The following LDLRAD2 variants were observed in gnomAD, a reference collection of about 807,000 sequenced individuals.
LDLRAD2 encodes the protein low-density lipoprotein receptor class A domain-containing protein 2.
A neutral mutation model predicts 24.9 loss-of-function variants in LDLRAD2; 25 were observed. The ratio of observed to expected loss-of-function variants is 1.00; its 90% CI spans 0.73 to 1.40. LDLRAD2 has a LOEUF of 1.40. Ranked by LOEUF, LDLRAD2 falls within the 40% of genes most tolerant of loss-of-function variation. The pLI is 0.00. For missense variants in LDLRAD2, 391 were observed against 366.2 expected (o/e 1.07, Z -0.55); for synonymous variants, 182 against 166.7 (o/e 1.09, Z -0.71).
In LDLRAD2 at chr1:21,825,176, T is replaced by C. The variant is rs1488522347; in HGVS notation, c.*2961T>C. Reference sequence around the variant, plus strand: ...TACTGAGATCACCAGATCTTGTTATTTGATGTGTTAATAAAGAAGCACATA... The same window carrying C: ...TACTGAGATCACCAGATCTTGTTATCTGATGTGTTAATAAAGAAGCACATA... On this transcript the variant is annotated 3_prime_UTR_variant, in exon 5 of 5. Coordinates refer to ENST00000344642, the MANE Select transcript of LDLRAD2 (RefSeq NM_001013693.3). 1 of 291,972 alleles carries C rather than the reference T, an allele frequency of 3.4e-6. No individual in the cohort carries two copies. The highest frequency in any genetic ancestry group is 8.2e-5 in the East Asian group (1 of 12,200). 18.1% of individuals were successfully genotyped at this position (291,972 alleles called of 1,614,324 possible). A position where few individuals can be genotyped will look rare whatever the true frequency, so the allele number is the denominator to read the frequency against.
intron 1 of LDLRAD2, among the ~76,000 whole-genome samples, chr1:21,813,666 A>C (rs1259738198): frequency 2.0e-5 from 3 of 152,188 alleles, no homozygotes; most frequent in Non-Finnish European, 4.4e-5. Flanking sequence ...AAATGGTAGG[A>C]TATTTGCTAT....
intron 2 of LDLRAD2, 91 bp from the exon 3 acceptor site, chr1:21,815,852 A>C: frequency 6.7e-7 from 1 of 1,491,216 alleles, no homozygotes; most frequent in Non-Finnish European, 9.1e-7. Context: ...TCCTGCCCAC[A>C]CCCCCACACT....
In LDLRAD2 at chr1:21,815,996, C is replaced by T. The variant is rs777517377; in HGVS notation, c.565C>T (p.Leu189Phe). The stretch of plus-strand genomic sequence containing the variant: ...GAATGGCAGGTGCATCCCCTCAAGC[C>T]TCGTGTGTGACCCCTGGGGCATGGA... ...CQNGRCIPSS[L>F]VCDPWGMDNC... Residue 189 changes from leucine (L) to phenylalanine (F), a missense_variant, in exon 3 of 5, where the codon CTC becomes TTC. Leu to Phe is a conservative substitution (Grantham distance 22). Transcript: ENST00000344642. The T allele has an allele frequency of 8.4e-5, 136 of 1,613,848 alleles. No homozygotes were observed. The highest frequency in any genetic ancestry group is 6.5e-4 in the South Asian group (59 of 91,084).
In LDLRAD2 at chr1:21,822,332, C is replaced by A. The variant is rs575102067; in HGVS notation, c.*117C>A. ...GGACACAGAGGCCAGGCGTCCCAAC[C>A]CCACAGTCTGGGGGCCACTGGCAGG... On this transcript the variant is annotated 3_prime_UTR_variant, in exon 5 of 5. Coordinates refer to ENST00000344642, the MANE Select transcript of LDLRAD2 (RefSeq NM_001013693.3). 3.8e-6 allele frequency: 4 copies of A among 1,041,500 alleles called. No individual in the cohort carries two copies. The East Asian group carries it at 9.9e-5, about 26-fold the overall frequency. The allele number at this position is 1,041,500 out of a possible 1,614,324, so 64.5% of individuals were successfully genotyped here. A position where few individuals can be genotyped will look rare whatever the true frequency, so the allele number is the denominator to read the frequency against.
chr1:21,821,638 C>A (rs774727345), intron 4 of LDLRAD2, 27 bp downstream of exon 4: 3 of 1,609,248 alleles, frequency 1.9e-6, no homozygotes, highest in Non-Finnish European at 8.5e-7. Flanking sequence ...ACTCTTCCCA[C>A]CAAAATCATA....
Position 21,814,804 on chromosome 1 carries a change from A to C in LDLRAD2, c.492A>C (p.Glu164Asp). The change falls in exon 2 of 5, where the codon GAA becomes GAC. Residue 164 changes from glutamate (E) to aspartate (D), a missense_variant. By Grantham distance (45) the Glu-to-Asp change is conservative (BLOSUM62 2). Transcript: ENST00000344642. ...GRQPRVDFVG[E>D]VTSFRLGPCG... is the part of the protein sequence containing the mutation. ...AGCCCCGCGTGGACTTCGTGGGCGA[A>C]GTCACCTCTTTCCGTCTGGGTGAGC... is the stretch of plus-strand genomic sequence containing the variant. 1.4e-6 allele frequency: 2 copies of C among 1,478,022 alleles called. No homozygotes were observed. The highest frequency in any genetic ancestry group is 4.8e-5 in the East Asian group (2 of 41,382). The allele number at this position is 1,478,022 out of a possible 1,614,324, so 91.6% of individuals were successfully genotyped here.
chr1:21,820,940 G>A (rs542059706), intron 3 of LDLRAD2, among the ~76,000 whole-genome samples: 1 of 152,340 alleles, frequency 6.6e-6, no homozygotes, highest in Admixed American at 6.5e-5. Flanking sequence ...GCTCACGCCT[G>A]GAATCCCAGC....
chr1:21,812,924 C>G (rs2097940018), intron 1 of LDLRAD2, among the ~76,000 whole-genome samples: 1 of 152,224 alleles, frequency 6.6e-6, no homozygotes, highest in African/African-American at 2.4e-5. Context: ...GGCCCTTGCC[C>G]CTTAAGGGAC....
chr1:21,814,308 T>C, intron 1 of LDLRAD2, 90 bp from the exon 2 acceptor site: 1 of 1,086,946 alleles, frequency 9.2e-7, no homozygotes, highest in South Asian at 1.7e-5. Context: ...AGAGGGCGAG[T>C]AACTCGCTTG....
In LDLRAD2 at chr1:21,824,410, A is replaced by C. The variant is rs1476035487; in HGVS notation, c.*2195A>C. The C allele has an allele frequency of 6.2e-7, 1 of 1,611,892 alleles. No individual in the cohort carries two copies. The highest frequency in any genetic ancestry group is 8.5e-7 in the Non-Finnish European group (1 of 1,178,536). Reference sequence around the variant, plus strand: ...GAAGCACAGGGTCTCTGGGGTCCCCAGCCTGGAGAGCAGAGGCTGCCGAGG... The same window carrying C: ...GAAGCACAGGGTCTCTGGGGTCCCCCGCCTGGAGAGCAGAGGCTGCCGAGG... On this transcript the variant is annotated 3_prime_UTR_variant, in exon 5 of 5. Transcript: ENST00000344642. The surrounding 1 kb of genome is among the most constrained non-coding windows in gnomAD (Gnocchi z 5.9).
chr1:21,812,648 C>T (rs34297508), intron 1 of LDLRAD2, 112 bp downstream of exon 1: 114,910 of 824,306 alleles, frequency 0.14, 8,735 homozygotes, highest in Middle Eastern at 0.18. Context: ...ACCTTTTGAG[C>T]TGGGGGAGGC....
Position 21,822,118 on chromosome 1 carries a change from G to A in LDLRAD2, c.806-84G>A. 12 of 1,612,290 alleles carry A rather than the reference G, an allele frequency of 7.4e-6. No homozygotes were observed. The South Asian group carries it at 1.3e-4, about 18-fold the overall frequency. On this transcript the variant is annotated intron_variant, in intron 4 of 4. Coordinates refer to ENST00000344642, the MANE Select transcript of LDLRAD2 (RefSeq NM_001013693.3). ...AATAGGACAATTCCTGCCTCACAGG[G>A]TTGGGGGCCTGGGGGCCTCGCTGAT...
chr1:21,817,786 T>G (rs144034019), intron 3 of LDLRAD2, among the ~76,000 whole-genome samples: 2 of 152,230 alleles, frequency 1.3e-5, no homozygotes, highest in Non-Finnish European at 2.9e-5. Context: ...GTCCACAGTT[T>G]GTTCAGTTTT....
In LDLRAD2 at chr1:21,814,643, T is replaced by G; in HGVS notation, c.331T>G (p.Ser111Ala). Residue 111 changes from serine to alanine, a missense_variant, in exon 2 of 5, where the codon TCC becomes GCC. Coordinates refer to ENST00000344642, the MANE Select transcript of LDLRAD2 (RefSeq NM_001013693.3). Reference protein sequence around the residue: ...PAPADPCAPGSYLQFYEGPPG... With the variant: ...PAPADPCAPGAYLQFYEGPPG... The stretch of plus-strand genomic sequence containing the variant: ...CCCGGCCGACCCGTGCGCCCCCGGC[T>G]CCTACCTGCAGTTCTACGAGGGCCC... 1 of 1,603,092 alleles carries G rather than the reference T, an allele frequency of 6.2e-7. No homozygotes were observed. Among genetic ancestry groups the G allele is most frequent in the Non-Finnish European group, 8.5e-7 (1 of 1,175,348 alleles).
intron 3 of LDLRAD2, 24 bp downstream of exon 3, chr1:21,816,098 C>T: frequency 6.2e-7 from 1 of 1,608,426 alleles, no homozygotes; most frequent in Non-Finnish European, 8.5e-7. Context: ...GTGGACTGGG[C>T]CCTACTGAAC....
intron 3 of LDLRAD2, among the ~76,000 whole-genome samples, chr1:21,818,664 G>A (rs1190435277): frequency 1.3e-5 from 2 of 152,128 alleles, no homozygotes; most frequent in African/African-American, 4.8e-5. Flanking sequence ...GTATTCTTGG[G>A]AAGTCACTAT....
At chr1:21,818,104 T>C (rs934082483) in intron 3 of LDLRAD2, among the ~76,000 whole-genome samples, 1 of 86,712 alleles carries the variant, frequency 1.2e-5, no homozygotes, top group Non-Finnish European at 2.2e-5. Context: ...CTCAAACTCC[T>C]GACCTCAAGT....
chr1:21,816,178 G>A (rs958731613), intron 3 of LDLRAD2, 104 bp downstream of exon 3: 3 of 1,462,520 alleles, frequency 2.1e-6, no homozygotes, highest in East Asian at 2.4e-5. Flanking sequence ...CAGGAGAGAG[G>A]AAAGCGGAAG....
intron 1 of LDLRAD2, among the ~76,000 whole-genome samples, chr1:21,813,845 G>A (rs895690176): frequency 1.3e-5 from 2 of 150,084 alleles, no homozygotes; most frequent in African/African-American, 4.9e-5. Context: ...GGAAGAAAAG[G>A]GGCTCCTTAT....
Sources: allele counts gnomAD v4.1 joint callset (sites outside exome capture counted in the v4.1 genomes callset), GRCh38; gene constraint gnomAD v4.1.1; non-coding constraint Gnocchi (gnomAD v3.1); transcripts MANE v1.5; gene names NCBI Gene and HGNC (gene_info 2026-07-23, HGNC 2026-07-21).